Variants in SETX observed in about 807,000 individuals in gnomAD.
SETX encodes helicase senataxin.
SETX carries 90 observed loss-of-function variants against 227.2 expected under a neutral mutation model. The observed-to-expected ratio is 0.40, with a 90% CI of 0.33 to 0.47. The LOEUF (loss-of-function observed/expected upper bound fraction) is 0.47, where lower values mean the gene tolerates loss of function less well. Ranked by LOEUF, SETX falls within the 20% of genes least tolerant of loss-of-function variation. The probability of loss-of-function intolerance (pLI) is 0.91; values close to 1 mark genes in which losing one functional copy is unlikely to be tolerated. For synonymous variants in SETX, 1,210 were observed against 1,113.2 expected, an observed-to-expected ratio of 1.09 and a Z score of -1.73; for missense variants, 3,052 against 3,181.5, an observed-to-expected ratio of 0.96 and a Z score of 0.98.
At chr9:132,267,806 C>T (rs916482222) in intron 25 of SETX, among the ~76,000 whole-genome samples, 3 of 152,224 alleles carry the variant, frequency 2.0e-5, no homozygotes, top group African/African-American at 7.2e-5. Context: ...CTTCCCATGT[C>T]CTCCTTGGGC....
chr9:132,268,774 G>A (rs886921319), intron 25 of SETX, among the ~76,000 whole-genome samples: 9 of 152,090 alleles, frequency 5.9e-5, no homozygotes, highest in Non-Finnish European at 1.3e-4. Context: ...AACTTACAAA[G>A]ATTTTTTCTA....
chr9:132,345,445 T>C (rs1160836190), intron 4 of SETX, among the ~76,000 whole-genome samples: 2 of 152,086 alleles, frequency 1.3e-5, no homozygotes, highest in African/African-American at 4.8e-5. Flanking sequence ...GGCTAATTTT[T>C]GTATTTTTAG....
intron 11 of SETX, among the ~76,000 whole-genome samples, chr9:132,310,443 T>C (rs970861591): frequency 1.3e-5 from 2 of 152,190 alleles, no homozygotes; most frequent in African/African-American, 4.8e-5. Flanking sequence ...AAGAGATACA[T>C]GGGTGATCAT....
chr9:132,333,576 G>A (rs1316887328), intron 7 of SETX, among the ~76,000 whole-genome samples: 2 of 151,704 alleles, frequency 1.3e-5, no homozygotes, highest in Non-Finnish European at 1.5e-5. Flanking sequence ...TACTCATTAT[G>A]TTTTCTCATA....
chr9:132,355,561 C>T (rs62576495), upstream of SETX, among the ~76,000 whole-genome samples: 121,590 of 151,906 alleles, frequency 0.8, 49,173 homozygotes, highest in Non-Finnish European at 0.86. Flanking sequence ...AAATCCCTCG[C>T]TGGTGCGGTG....
At chr9:132,269,949 C>A (rs1442293279) in intron 24 of SETX, among the ~76,000 whole-genome samples, 2 of 69,260 alleles carry the variant, frequency 2.9e-5, no homozygotes, top group South Asian at 1.3e-3. Flanking sequence ...AATGACTCAG[C>A]GTGCCCGTGT....
chr9:132,280,897 T>A (rs1843463598), intron 20 of SETX, among the ~76,000 whole-genome samples: 1 of 152,138 alleles, frequency 6.6e-6, no homozygotes, highest in African/African-American at 2.4e-5. Flanking sequence ...AAGTCAGAGC[T>A]TGTAATTGAG....
chr9:132,296,082 C>G, intron 14 of SETX, 54 bp from the exon 15 acceptor site: 7 of 1,597,848 alleles, frequency 4.4e-6, no homozygotes, highest in Non-Finnish European at 5.1e-6. Flanking sequence ...TATGGGTGAG[C>G]TCTATTACAT....
At chr9:132,304,171 A>C (rs1440556148) in intron 11 of SETX, among the ~76,000 whole-genome samples, 1 of 152,190 alleles carries the variant, frequency 6.6e-6, no homozygotes, top group Non-Finnish European at 1.5e-5. Flanking sequence ...AGACGAGCTC[A>C]AGTGTGAAAA....
rs11795382 is a variant in SETX, at chr9:132,263,613, G to A, written c.*626C>T. On this transcript the variant is annotated 3_prime_UTR_variant, in exon 26 of 26. Coordinates refer to ENST00000224140, the MANE Select transcript of SETX (RefSeq NM_015046.7). ...ATCTAAAAATGCACCATGTCAGCAA[G>A]ACTTTACCTAACATAACCGTGCTGC... 24,968 of 152,542 alleles carry A rather than the reference G, an allele frequency of 0.16. 2,109 individuals are homozygous for A. Among genetic ancestry groups the A allele is most frequent in the East Asian group, 0.29 (1,493 of 5,176 alleles). The allele number at this position is 152,542 out of a possible 1,614,324, so 9.4% of individuals were successfully genotyped here. A position where few individuals can be genotyped will look rare whatever the true frequency, so the allele number is the denominator to read the frequency against.
rs774126407 is a variant in SETX, at chr9:132,327,733, G to A, written c.3865C>T (p.Leu1289=). ...TATGCCTTACGAGGACCCTTTTTCA[G>A]GCCAAGTTTCTCAGCTGTTGAAGTT... is the stretch of plus-strand genomic sequence containing the variant. ...EPTSTAEKLG[L]KKGPRKAYEL... The change falls in exon 10 of 26, where the codon CTG becomes TTG. Residue 1289 remains leucine (L), a synonymous_variant. Coordinates refer to ENST00000224140, the MANE Select transcript of SETX (RefSeq NM_015046.7). The A allele has an allele frequency of 4.3e-6, 7 of 1,614,068 alleles. No individual in the cohort carries two copies. In the South Asian group the frequency reaches 6.6e-5, roughly 15 times the overall value.
intron 23 of SETX, among the ~76,000 whole-genome samples, chr9:132,273,823 C>A (rs1428946516): frequency 6.6e-6 from 1 of 152,060 alleles, no homozygotes; most frequent in Non-Finnish European, 1.5e-5. Context: ...GCTAAAACCT[C>A]TAGTACAATG....
At chr9:132,332,477 C>G (rs1847301035) in intron 7 of SETX, among the ~76,000 whole-genome samples, 1 of 152,228 alleles carries the variant, frequency 6.6e-6, no homozygotes, top group Non-Finnish European at 1.5e-5. Context: ...CCTCATACTT[C>G]TCAGACTTTA....
intron 2 of SETX, among the ~76,000 whole-genome samples, chr9:132,351,791 G>C (rs1322859001): frequency 6.6e-6 from 1 of 152,130 alleles, no homozygotes; most frequent in Non-Finnish European, 1.5e-5. Context: ...TTCTTCTTGA[G>C]GTCTATTTTG....
chr9:132,351,839 T>C (rs969584207), intron 2 of SETX, among the ~76,000 whole-genome samples: 2 of 152,168 alleles, frequency 1.3e-5, no homozygotes, highest in Non-Finnish European at 2.9e-5. Context: ...CAATCATTAG[T>C]GAATGACAAA....
At chr9:132,281,081 TCTCTTTATTTCTGAA>T in intron 20 of SETX, among the ~76,000 whole-genome samples, 1 of 152,236 alleles carries the variant, frequency 6.6e-6, no homozygotes, top group African/African-American at 2.4e-5. Flanking sequence ...GTAGGATTCT[TCTCTTTATTTCTGAA>T]GTTTTTCTTT....
At position 132,349,414 on chromosome 9, in the gene SETX, A is replaced by C; in HGVS notation, c.15T>G (p.Cys5Trp). 3 of 1,614,206 alleles carry C rather than the reference A, an allele frequency of 1.9e-6. No homozygotes were observed. Among genetic ancestry groups the C allele is most frequent in the East Asian group, 2.2e-5 (1 of 44,888 alleles). MSTC[C>W]WCTPGGASTI... ...TGGAAGCACCACCTGGCGTACACCAACAACATGTGCTCATTCTGTACCTAC... is the reference window on the plus strand; with the variant it reads ...TGGAAGCACCACCTGGCGTACACCACCAACATGTGCTCATTCTGTACCTAC... Residue 5 changes from cysteine to tryptophan, a missense_variant, in exon 3 of 26, where the codon TGT becomes TGG. Around this residue, in one of 10 missense-constraint regions of SETX, gnomAD observed 152 missense variants for 156.2 expected, o/e 0.97. Coordinates refer to ENST00000224140, the MANE Select transcript of SETX (RefSeq NM_015046.7).
chr9:132,305,605 G>A (rs1845291004), intron 11 of SETX, among the ~76,000 whole-genome samples: 1 of 152,114 alleles, frequency 6.6e-6, no homozygotes, highest in African/African-American at 2.4e-5. Context: ...CTACTTCTAT[G>A]TTTTTCTTGC....
At chr9:132,277,789 C>CAAAAAAAAAAAAAAAAAAAAAAAAA in intron 21 of SETX, among the ~76,000 whole-genome samples, 1 of 68,098 alleles carries the variant, frequency 1.5e-5, no homozygotes, top group Admixed American at 1.9e-4. Context: ...ACCCTGTCTT[C>CAAAAAAAAAAAAAAAAAAAAAAAAA]AAAAAAAAAA....
Sources: allele counts gnomAD v4.1 joint callset (sites outside exome capture counted in the v4.1 genomes callset), GRCh38; gene constraint gnomAD v4.1.1; regional missense constraint gnomAD v4.1.1; transcripts MANE v1.5; gene names NCBI Gene and HGNC (gene_info 2026-07-23, HGNC 2026-07-21).